Variants in PPFIA2 observed in about 807,000 individuals in gnomAD.
PPFIA2 encodes the protein liprin-alpha-2.
PPFIA2 carries 46 observed loss-of-function variants against 175.5 expected under a neutral mutation model. The ratio of observed to expected loss-of-function variants is 0.26; its 90% confidence interval spans 0.21 to 0.34. The LOEUF is 0.34. Ranked by LOEUF, PPFIA2 falls within the 10% of genes least tolerant of loss-of-function variation. The probability of loss-of-function intolerance (pLI) is 1.00; values close to 1 mark genes in which losing one functional copy is unlikely to be tolerated. For synonymous variants in PPFIA2, 568 were observed against 511.4 expected, an observed-to-expected ratio of 1.11 and a Z score of -1.49; for missense variants, 1,179 against 1,506.1, an observed-to-expected ratio of 0.78 and a Z score of 3.60.
chr12:81,353,974 C>T (rs116374200), intron 16 of PPFIA2, among the ~76,000 whole-genome samples: 60 of 152,242 alleles, frequency 3.9e-4, no homozygotes, highest in African/African-American at 1.3e-3. Context: ...CTACTGAAGT[C>T]TATTAAGTGT....
chr12:81,538,508 C>A (rs559263764), intron 4 of PPFIA2, among the ~76,000 whole-genome samples: 1 of 151,592 alleles, frequency 6.6e-6, no homozygotes, highest in South Asian at 2.1e-4. Flanking sequence ...AGAGGATGTT[C>A]GGGAAGATTG....
intron 3 of PPFIA2, among the ~76,000 whole-genome samples, chr12:81,753,075 C>A (rs2084075996): frequency 6.6e-6 from 1 of 152,062 alleles, no homozygotes; most frequent in East Asian, 1.9e-4. Context: ...GCTGGGACTA[C>A]AGGCGCATGG....
chr12:81,457,914 C>A (rs527265277), intron 4 of PPFIA2, 48 bp from the exon 5 acceptor site: 57 of 1,285,390 alleles, frequency 4.4e-5, no homozygotes, highest in African/African-American at 2.9e-4. Flanking sequence ...GATCTAAAAG[C>A]AGAAAAAAAT....
At chr12:81,739,163 C>A (rs2082022091) in intron 3 of PPFIA2, among the ~76,000 whole-genome samples, 2 of 151,818 alleles carry the variant, frequency 1.3e-5, no homozygotes, top group Admixed American at 1.3e-4. Flanking sequence ...TGTTATTATT[C>A]TAACACAGAA....
At chr12:81,291,215 T>C (rs1288170570) in intron 24 of PPFIA2, among the ~76,000 whole-genome samples, 1 of 152,014 alleles carries the variant, frequency 6.6e-6, no homozygotes, top group Non-Finnish European at 1.5e-5. Flanking sequence ...TTCTGTATTT[T>C]ACAAATGTTA....
In PPFIA2 at chr12:81,491,205, C is replaced by CTT. The variant is rs769765539; in HGVS notation, c.304-33341_304-33340dup. ...TTACCTTTTAATGTTTCTGGAATTA[C>CTT]TTTTTTTGTTTTTTTGCTTTGTCTC... On this transcript the variant is annotated intron_variant, in intron 4 of 32. Coordinates refer to ENST00000549396, the MANE Select transcript of PPFIA2 (RefSeq NM_003625.5). Among the ~76,000 whole-genome samples, 181 of 130,280 alleles carry CTT rather than the reference C, an allele frequency of 1.4e-3. 1 individual carries two copies. The highest frequency in any genetic ancestry group is 9.1e-3 in the East Asian group (42 of 4,626). 85.5% of individuals were successfully genotyped at this position (130,280 alleles called of 152,430 possible). A position where few individuals can be genotyped will look rare whatever the true frequency, so the allele number is the denominator to read the frequency against.
intron 9 of PPFIA2, among the ~76,000 whole-genome samples, chr12:81,377,182 A>T (rs2036560598): frequency 6.6e-6 from 1 of 152,084 alleles, no homozygotes. Flanking sequence ...TTATACATGT[A>T]CCATATTTAT....
chr12:81,720,456 T>C (rs1405648700), intron 3 of PPFIA2, among the ~76,000 whole-genome samples: 4 of 151,448 alleles, frequency 2.6e-5, no homozygotes, highest in African/African-American at 7.3e-5. Context: ...ATGTCATCTG[T>C]CACTTTCCCT....
chr12:81,485,199 T>C (rs1273378886), intron 4 of PPFIA2, among the ~76,000 whole-genome samples: 4 of 152,008 alleles, frequency 2.6e-5, no homozygotes, highest in Non-Finnish European at 4.4e-5. Flanking sequence ...CTTCCATAAA[T>C]GTGAACCCAA....
rs190262941 is a variant in PPFIA2, at chr12:81,345,081, T to C, written c.2233-388A>G. 2.5e-3 allele frequency among the ~76,000 whole-genome samples: 375 copies of C among 152,272 alleles called. 1 individual carries two copies. Among genetic ancestry groups the C allele is most frequent in the Admixed American group, 8.1e-3 (124 of 15,274 alleles). ...ATTGGGAGTGAAGATCCAATGCATA[T>C]ACAAGGAGTTTATAAATTCTTGTTT... On this transcript the variant is annotated intron_variant, in intron 18 of 32. Transcript: ENST00000549396.
At chr12:81,461,703 G>A (rs972271923) in intron 4 of PPFIA2, among the ~76,000 whole-genome samples, 3 of 151,974 alleles carry the variant, frequency 2.0e-5, no homozygotes, top group Non-Finnish European at 4.4e-5. Flanking sequence ...TGCAACTACT[G>A]TGAAACATTT....
chr12:81,651,955 T>TA (rs1248558660), intron 4 of PPFIA2, among the ~76,000 whole-genome samples: 3 of 152,000 alleles, frequency 2.0e-5, no homozygotes, highest in Non-Finnish European at 4.4e-5. Flanking sequence ...AAAAGAAAAC[T>TA]AGTGATCTTA....
At chr12:81,530,658 G>T (rs1455129871) in intron 4 of PPFIA2, among the ~76,000 whole-genome samples, 1 of 151,638 alleles carries the variant, frequency 6.6e-6, no homozygotes, top group Non-Finnish European at 1.5e-5. Context: ...TGAAAAGTCA[G>T]CACATCAGCT....
chr12:81,536,843 G>A (rs1195176425), intron 4 of PPFIA2, among the ~76,000 whole-genome samples: 2 of 147,626 alleles, frequency 1.4e-5, no homozygotes, highest in Non-Finnish European at 3.0e-5. Context: ...AAGAGGAAAT[G>A]AAGAATTTTT....
intron 4 of PPFIA2, among the ~76,000 whole-genome samples, chr12:81,564,901 C>A (rs190039515): frequency 6.6e-6 from 1 of 152,230 alleles, no homozygotes; most frequent in African/African-American, 2.4e-5. Context: ...TGTGGAAAAA[C>A]AGACACAAGC....
At chr12:81,278,465 C>T (rs917863755) in intron 27 of PPFIA2, among the ~76,000 whole-genome samples, 4 of 148,852 alleles carry the variant, frequency 2.7e-5, no homozygotes, top group Admixed American at 1.4e-4. Context: ...CGCTTGAGCC[C>T]GGGAGGCGGA....
At chr12:81,619,898 G>A (rs2061838284) in intron 4 of PPFIA2, among the ~76,000 whole-genome samples, 1 of 152,032 alleles carries the variant, frequency 6.6e-6, no homozygotes, top group Non-Finnish European at 1.5e-5. Context: ...GGTGGCTCAC[G>A]CCTGTAATCC....
intron 9 of PPFIA2, 31 bp downstream of exon 9, chr12:81,383,992 T>A: frequency 2.0e-6 from 3 of 1,530,282 alleles, no homozygotes; most frequent in Non-Finnish European, 2.7e-6. Flanking sequence ...CATTCAGAAA[T>A]CAAAGACTGA....
chr12:81,433,447 C>T (rs966620535), intron 7 of PPFIA2, among the ~76,000 whole-genome samples: 6 of 152,142 alleles, frequency 3.9e-5, no homozygotes, highest in East Asian at 1.9e-4. Context: ...TACGTGTATA[C>T]GTCTGTCTCT....
Sources: allele counts gnomAD v4.1 joint callset (sites outside exome capture counted in the v4.1 genomes callset), GRCh38; gene constraint gnomAD v4.1.1; transcripts MANE v1.5; gene names NCBI Gene and HGNC (gene_info 2026-07-23, HGNC 2026-07-21).